CNTNAP5: variants seen among roughly 807,000 people sequenced by gnomAD.
CNTNAP5 encodes contactin-associated protein-like 5.
A neutral mutation model predicts 150.2 loss-of-function variants in CNTNAP5; 72 were observed. The observed-to-expected ratio is 0.48, with a 90% CI of 0.40 to 0.58. The LOEUF is 0.58. CNTNAP5 is among the 20% of genes least tolerant of loss of function. The pLI is 0.00. For missense variants in CNTNAP5, 1,636 were observed against 1,626.2 expected, an observed-to-expected ratio of 1.01 and a Z score of -0.10; for synonymous variants, 672 against 619.8, an observed-to-expected ratio of 1.08 and a Z score of -1.25.
Position 124,855,167 on chromosome 2 carries a change from C to CTTTTTTTTTTTTTTTTTTTTTTTTTTTT in CNTNAP5, c.3218-10137_3218-10110dup, listed in dbSNP as rs70999224. Among the ~76,000 whole-genome samples, 2 of 71,434 alleles carry CTTTTTTTTTTTTTTTTTTTTTTTTTTTT rather than the reference C, an allele frequency of 2.8e-5. 1 individual carries two copies. The highest frequency in any genetic ancestry group is 5.6e-5 in the Non-Finnish European group (2 of 35,950). The allele number at this position is 71,434 out of a possible 152,430, so 46.9% of individuals were successfully genotyped here. ...AGAATTAGAAAGCCTTGGGCTTTTG[C>CTTTTTTTTTTTTTTTTTTTTTTTTTTTT]TTTTTTTTTTTTTTTTTTTTTTTTT... On this transcript the variant is annotated intron_variant, in intron 19 of 23. Coordinates refer to ENST00000682447, the MANE Select transcript of CNTNAP5 (RefSeq NM_001367498.1).
chr2:124,563,143 G>A, intron 10 of CNTNAP5, 74 bp from the exon 11 acceptor site: 1 of 879,628 alleles, frequency 1.1e-6, no homozygotes, highest in South Asian at 1.5e-5. Flanking sequence ...AGTTGGATAT[G>A]AGACATTTTT....
At chr2:124,386,814 T>C (rs11680613) in intron 3 of CNTNAP5, among the ~76,000 whole-genome samples, 127,258 of 152,068 alleles carry the variant, frequency 0.84, 53,735 homozygotes, top group East Asian at 0.9. Context: ...AGTGGATGTT[T>C]GTGTCCCCCC....
chr2:124,347,787 A>T (rs1031831351), intron 3 of CNTNAP5, among the ~76,000 whole-genome samples: 71 of 152,116 alleles, frequency 4.7e-4, no homozygotes, highest in African/African-American at 1.6e-3. Context: ...ATACACCCAC[A>T]CAAATGTAGA....
intron 3 of CNTNAP5, among the ~76,000 whole-genome samples, chr2:124,248,469 A>C (rs2104776443): frequency 6.6e-6 from 1 of 152,300 alleles, no homozygotes; most frequent in Non-Finnish European, 1.5e-5. Context: ...ATTTTAGATG[A>C]TCTTATAACT....
At chr2:124,555,048 A>G (rs1263331561) in intron 10 of CNTNAP5, among the ~76,000 whole-genome samples, 1 of 152,198 alleles carries the variant, frequency 6.6e-6, no homozygotes, top group Non-Finnish European at 1.5e-5. Flanking sequence ...AAGACTGTCA[A>G]CTGATACTGA....
intron 16 of CNTNAP5, among the ~76,000 whole-genome samples, chr2:124,768,726 C>A (rs1184982602): frequency 1.3e-5 from 2 of 152,046 alleles, no homozygotes; most frequent in African/African-American, 4.8e-5. Flanking sequence ...TGACTCCTTG[C>A]AGCAACCCCG....
intron 1 of CNTNAP5, among the ~76,000 whole-genome samples, chr2:124,108,266 CT>C (rs2104703159): frequency 6.6e-6 from 1 of 152,292 alleles, no homozygotes; most frequent in African/African-American, 2.4e-5. Context: ...TAAACATTAT[CT>C]GTTGACTTCT....
chr2:124,684,958 C>A (rs1019962297), intron 13 of CNTNAP5, among the ~76,000 whole-genome samples: 1 of 152,084 alleles, frequency 6.6e-6, no homozygotes, highest in Non-Finnish European at 1.5e-5. Flanking sequence ...AATCACCAGG[C>A]CTTCCTATGC....
At position 124,597,503 on chromosome 2, in the gene CNTNAP5, A is replaced by G. The variant is rs368169391; in HGVS notation, c.1757-12298A>G. ...TCTTCTGGCTTGTAGGGTTTCTGCCAAGAGATCCGCTGTTAGTCTGATGGG... is the reference window on the plus strand; with the variant it reads ...TCTTCTGGCTTGTAGGGTTTCTGCCGAGAGATCCGCTGTTAGTCTGATGGG... On this transcript the variant is annotated intron_variant, in intron 11 of 23. Coordinates refer to ENST00000682447, the MANE Select transcript of CNTNAP5 (RefSeq NM_001367498.1). Among the ~76,000 whole-genome samples, 37 of 150,648 alleles carry G rather than the reference A, an allele frequency of 2.5e-4. 1 individual carries two copies. The South Asian group carries it at 4.3e-3, about 17-fold the overall frequency.
At chr2:124,175,417 G>A (rs560080316) in intron 1 of CNTNAP5, among the ~76,000 whole-genome samples, 10 of 151,674 alleles carry the variant, frequency 6.6e-5, no homozygotes, top group East Asian at 3.9e-4. Context: ...AATAATATCC[G>A]TATATTCTCC....
chr2:124,733,533 A>T (rs1374333712), intron 13 of CNTNAP5, among the ~76,000 whole-genome samples: 1 of 152,122 alleles, frequency 6.6e-6, no homozygotes, highest in Non-Finnish European at 1.5e-5. Flanking sequence ...TTCAAACTAA[A>T]CGAACAAGAT....
chr2:124,401,789 T>TG (rs1691432541), intron 3 of CNTNAP5, among the ~76,000 whole-genome samples: 1 of 152,194 alleles, frequency 6.6e-6, no homozygotes, highest in African/African-American at 2.4e-5. Flanking sequence ...ATAACTTTCA[T>TG]GGGGCAGTGA....
intron 8 of CNTNAP5, among the ~76,000 whole-genome samples, chr2:124,522,119 G>A (rs1694859265): frequency 2.0e-5 from 3 of 152,176 alleles, no homozygotes; most frequent in South Asian, 2.1e-4. Flanking sequence ...TGGGCTCCAA[G>A]CCTGGTGCTT....
At chr2:124,361,726 G>A (rs1690205055) in intron 3 of CNTNAP5, among the ~76,000 whole-genome samples, 1 of 151,162 alleles carries the variant, frequency 6.6e-6, no homozygotes, top group Admixed American at 6.6e-5. Context: ...GTCAGACAGG[G>A]ACATTTAAGT....
intron 21 of CNTNAP5, among the ~76,000 whole-genome samples, chr2:124,875,235 GA>G (rs1677829718): frequency 6.6e-6 from 1 of 152,000 alleles, no homozygotes. Context: ...TGCAGAGGTT[GA>G]ATTATGGCTG....
intron 10 of CNTNAP5, among the ~76,000 whole-genome samples, chr2:124,560,325 C>T (rs991946727): frequency 6.6e-6 from 1 of 151,952 alleles, no homozygotes. Context: ...CTGGCCAACC[C>T]GTAGTAGAGA....
At chr2:124,036,070 G>T (rs11891836) in intron 1 of CNTNAP5, among the ~76,000 whole-genome samples, 1,581 of 150,602 alleles carry the variant, frequency 0.01, 34 homozygotes, top group African/African-American at 0.037. Context: ...GACTACAGGC[G>T]CCCGCCACCG....
chr2:124,179,928 A>G (rs1195843894), intron 1 of CNTNAP5, among the ~76,000 whole-genome samples: 1 of 152,156 alleles, frequency 6.6e-6, no homozygotes, highest in Non-Finnish European at 1.5e-5. Flanking sequence ...TTGTATTTCC[A>G]TCAAAACCAG....
intron 13 of CNTNAP5, among the ~76,000 whole-genome samples, chr2:124,683,349 T>C (rs757990641): frequency 6.6e-5 from 10 of 152,212 alleles, no homozygotes; most frequent in Non-Finnish European, 1.0e-4. Context: ...AGTGGTTAGG[T>C]AAGCAAAGCT....
Sources: gnomAD v4.1 joint callset for allele counts (sites outside exome capture counted in the v4.1 genomes callset) on GRCh38, gnomAD v4.1.1 for gene constraint, MANE v1.5 for transcripts, NCBI Gene and HGNC (gene_info 2026-07-23, HGNC 2026-07-21) for gene names.